The following GOLGA6B variants were observed in gnomAD, a reference collection of about 807,000 sequenced individuals.
GOLGA6B encodes golgin subfamily A member 6B.
In GOLGA6B, 11 loss-of-function variants were observed where a neutral mutation model predicts 63.0. The ratio of observed to expected loss-of-function variants is 0.17; its 90% CI spans 0.11 to 0.29. The LOEUF (loss-of-function observed/expected upper bound fraction) is 0.29, where lower values mean the gene tolerates loss of function less well. Among genes scored for constraint, GOLGA6B ranks in the 10% least tolerant of loss-of-function variants. The probability of loss-of-function intolerance (pLI) is 1.00; values close to 1 mark genes in which losing one functional copy is unlikely to be tolerated. For missense variants in GOLGA6B, 134 were observed against 563.8 expected (o/e 0.24, Z 7.72); for synonymous variants, 46 against 232.6 (o/e 0.20, Z 7.30).
chr15:72,662,242 C>T lies in GOLGA6B; in HGVS notation c.848-10C>T, dbSNP rs770809122. 1 of 1,351,520 alleles carries T rather than the reference C, an allele frequency of 7.4e-7. No homozygotes were observed. Among genetic ancestry groups the T allele is most frequent in the East Asian group, 2.8e-5 (1 of 36,084 alleles). 83.7% of individuals were successfully genotyped at this position (1,351,520 alleles called of 1,614,324 possible). Reference sequence around the variant, plus strand: ...ATCCAGAGGCCCTTATTGTCTGCTTCATTTCTCAGCTAAGCCCCCATCCCT... The same window carrying T: ...ATCCAGAGGCCCTTATTGTCTGCTTTATTTCTCAGCTAAGCCCCCATCCCT... On this transcript the variant is annotated splice_polypyrimidine_tract_variant and intron_variant, in intron 10 of 17. Transcript: ENST00000421285.
Position 72,664,425 on chromosome 15 carries a change from C to T in GOLGA6B, c.1426-11C>T, listed in dbSNP as rs200178903. ...CTCCGTGCCTTCTCACTCTGTTTCC[C>T]GTCCCCTTAGGAGCACCTAGAAGCT... On this transcript the variant is annotated splice_polypyrimidine_tract_variant and intron_variant, in intron 12 of 17. Transcript: ENST00000421285. The T allele has an allele frequency of 4.5e-4, 600 of 1,321,438 alleles. 7 individuals are homozygous for T. The highest frequency in any genetic ancestry group is 2.3e-3 in the Middle Eastern group (9 of 3,992). The allele number at this position is 1,321,438 out of a possible 1,614,324, so 81.9% of individuals were successfully genotyped here.
In GOLGA6B at chr15:72,661,278, A is replaced by G. The variant is rs780152810; in HGVS notation, c.579A>G (p.Arg193=). 2 of 1,613,252 alleles carry G rather than the reference A, an allele frequency of 1.2e-6. No homozygotes were observed. The highest frequency in any genetic ancestry group is 2.7e-5 in the African/African-American group (2 of 74,900). The part of the protein sequence containing the change: ...QQEEDRSSSC[R]EAVLHRRLQQ... The stretch of plus-strand genomic sequence containing the variant: ...TCACCATCCAGTCCTCGAGCTGCAG[A>G]GAAGCGGTCCTCCACCGGCGGTTAC... Residue 193 remains arginine, a synonymous_variant, in exon 8 of 18, where the codon AGA becomes AGG. Transcript: ENST00000421285.
intron 7 of GOLGA6B, among the ~76,000 whole-genome samples, chr15:72,660,602 G>GTA (rs2064590892): frequency 9.1e-6 from 1 of 110,044 alleles, no homozygotes; most frequent in Non-Finnish European, 1.9e-5. Context: ...GTGTGTGTGT[G>GTA]TGTGTGTGTG....
At chr15:72,663,697 C>T (rs946234271) in intron 12 of GOLGA6B, among the ~76,000 whole-genome samples, 5 of 124,886 alleles carry the variant, frequency 4.0e-5, no homozygotes, top group Admixed American at 1.6e-4. Flanking sequence ...AAAAAGCCTC[C>T]TTAGATTCAA....
At position 72,669,395 on chromosome 15, in the gene GOLGA6B, T is replaced by A. The variant is rs1263507280; in HGVS notation, c.*3053T>A. Reference sequence around the variant, plus strand: ...ATACTGTAGTTTGAAAGAAAGAAACTGGGGGAAGGAAAAGTAGAGAAAGAA... The same window carrying A: ...ATACTGTAGTTTGAAAGAAAGAAACAGGGGGAAGGAAAAGTAGAGAAAGAA... On this transcript the variant is annotated 3_prime_UTR_variant, in exon 18 of 18. Transcript: ENST00000421285. Among the ~76,000 whole-genome samples, 1 of 151,182 alleles carries A rather than the reference T, an allele frequency of 6.6e-6. No homozygotes were observed. Among genetic ancestry groups the A allele is most frequent in the African/African-American group, 2.4e-5 (1 of 41,262 alleles).
rs1222702753 is a variant in GOLGA6B at position 72,660,498 on chromosome 15, G to A, written c.564+269G>A. Among the ~76,000 whole-genome samples, 3 of 39,398 alleles carry A rather than the reference G, an allele frequency of 7.6e-5. No individual in the cohort carries two copies. In the East Asian group the frequency reaches 1.7e-3, roughly 23 times the overall value. The allele number at this position is 39,398 out of a possible 152,430, so 25.8% of individuals were successfully genotyped here. On this transcript the variant is annotated intron_variant, in intron 7 of 17. Coordinates refer to ENST00000421285, the MANE Select transcript of GOLGA6B (RefSeq NM_018652.5). ...CTTTCCTGGCTGTGGCCTTGGCCAA[G>A]TCCTAGGTGGGGTATTGGGTAGTTG...
In GOLGA6B at chr15:72,668,713, C is replaced by G. The variant is rs2064649227; in HGVS notation, c.*2371C>G. 1.1e-4 allele frequency among the ~76,000 whole-genome samples: 2 copies of G among 18,646 alleles called. 1 individual carries two copies. Among genetic ancestry groups the G allele is most frequent in the African/African-American group, 1.2e-4 (2 of 17,168 alleles). 12.2% of individuals were successfully genotyped at this position (18,646 alleles called of 152,430 possible). On this transcript the variant is annotated 3_prime_UTR_variant, in exon 18 of 18. Coordinates refer to ENST00000421285, the MANE Select transcript of GOLGA6B (RefSeq NM_018652.5). ...ATGACTAGGAATGATCTTCAGCTAGCCTTTAGCACCTGCAACCAATCGGAC... is the reference window on the plus strand; with the variant it reads ...ATGACTAGGAATGATCTTCAGCTAGGCTTTAGCACCTGCAACCAATCGGAC...
chr15:72,664,617 G>C, intron 13 of GOLGA6B, 106 bp downstream of exon 13: 2 of 848,762 alleles, frequency 2.4e-6, no homozygotes, highest in Non-Finnish European at 3.5e-6. Flanking sequence ...ACAGCTGGTC[G>C]TTATGCCAAC....
At chr15:72,663,665 G>C (rs1389125941) in intron 12 of GOLGA6B, among the ~76,000 whole-genome samples, 1 of 126,952 alleles carries the variant, frequency 7.9e-6, no homozygotes, top group African/African-American at 2.8e-5. Context: ...GCCACAGAGT[G>C]ACACTGTCTC....
rs1174540372 is a variant in GOLGA6B at position 72,664,439 on chromosome 15, C to T, written c.1429C>T (p.His477Tyr). 1.5e-6 allele frequency: 2 copies of T among 1,322,088 alleles called. No homozygotes were observed. Among genetic ancestry groups the T allele is most frequent in the Non-Finnish European group, 2.1e-6 (2 of 962,164 alleles). 81.9% of individuals were successfully genotyped at this position (1,322,088 alleles called of 1,614,324 possible). ...KELQEKLDEE[H>Y]LEAASQQNQQ... ...ACTCTGTTTCCCGTCCCCTTAGGAG[C>T]ACCTAGAAGCTGCCAGCCAGCAGAA... is the stretch of plus-strand genomic sequence containing the variant. Residue 477 changes from histidine (H) to tyrosine (Y), a missense_variant, in exon 13 of 18, where the codon CAC becomes TAC. Coordinates refer to ENST00000421285, the MANE Select transcript of GOLGA6B (RefSeq NM_018652.5).
Position 72,664,273 on chromosome 15 carries a change from C to T in GOLGA6B, c.1426-163C>T, listed in dbSNP as rs1169319378. ...GGCAGTTACTGCTGCAGACCCAGCT[C>T]GTGGACCAGCTGCAGCAGCAGGAAG... is the stretch of plus-strand genomic sequence containing the variant. On this transcript the variant is annotated intron_variant, in intron 12 of 17. Coordinates refer to ENST00000421285, the MANE Select transcript of GOLGA6B (RefSeq NM_018652.5). Among the ~76,000 whole-genome samples, 4 of 130,066 alleles carry T rather than the reference C, an allele frequency of 3.1e-5. 1 individual carries two copies. Among genetic ancestry groups the T allele is most frequent in the East Asian group, 2.3e-4 (1 of 4,262 alleles). The allele number at this position is 130,066 out of a possible 152,430, so 85.3% of individuals were successfully genotyped here.
chr15:72,661,185 T>C, intron 7 of GOLGA6B, 79 bp from the exon 8 acceptor site: 1 of 1,520,542 alleles, frequency 6.6e-7, no homozygotes, highest in South Asian at 1.1e-5. Flanking sequence ...CCGAGTTGTA[T>C]ATTGAGCCTA....
Position 72,663,023 on chromosome 15 carries a change from TTC to T in GOLGA6B, c.1357-8_1357-7del. Reference sequence around the variant, plus strand: ...GCTGCAGTGGATGGCCACTGATTGCTTCTCTCTGTCCAGAACAACGAGAAAAA... The same window carrying T: ...GCTGCAGTGGATGGCCACTGATTGCTTCTCTGTCCAGAACAACGAGAAAAA... On this transcript the variant is annotated splice_polypyrimidine_tract_variant and intron_variant, in intron 11 of 17. Coordinates refer to ENST00000421285, the MANE Select transcript of GOLGA6B (RefSeq NM_018652.5). 3.2e-6 allele frequency: 2 copies of T among 627,258 alleles called. No homozygotes were observed. Among genetic ancestry groups the T allele is most frequent in the East Asian group, 2.9e-5 (1 of 34,876 alleles). 38.9% of individuals were successfully genotyped at this position (627,258 alleles called of 1,614,324 possible).
rs867111558 is a variant in GOLGA6B at position 72,669,262 on chromosome 15, T to G, written c.*2920T>G. ...TAAATCAGCCCTATCCATAATATAG[T>G]TTCTCTAAAACTTTATCTTAAAGAG... On this transcript the variant is annotated 3_prime_UTR_variant, in exon 18 of 18. Coordinates refer to ENST00000421285, the MANE Select transcript of GOLGA6B (RefSeq NM_018652.5). Among the ~76,000 whole-genome samples the G allele has an allele frequency of 6.6e-6, 1 of 152,278 alleles. No homozygotes were observed.
In GOLGA6B at chr15:72,664,111, C is replaced by A. The variant is rs2064617963; in HGVS notation, c.1426-325C>A. Among the ~76,000 whole-genome samples the A allele has an allele frequency of 1.5e-5, 2 of 130,114 alleles. 1 individual carries two copies. Among genetic ancestry groups the A allele is most frequent in the South Asian group, 5.6e-4 (2 of 3,540 alleles). The allele number at this position is 130,114 out of a possible 152,430, so 85.4% of individuals were successfully genotyped here. On this transcript the variant is annotated intron_variant, in intron 12 of 17. Transcript: ENST00000421285. ...GCCAGCCACCATGTGCCCTCATGCC[C>A]AGGGTCTTCCTGCAGGTGGAGCTGA...
At position 72,664,292 on chromosome 15, in the gene GOLGA6B, C is replaced by T. The variant is rs1259722766; in HGVS notation, c.1426-144C>T. On this transcript the variant is annotated intron_variant, in intron 12 of 17. Coordinates refer to ENST00000421285, the MANE Select transcript of GOLGA6B (RefSeq NM_018652.5). ...CCAGCTCGTGGACCAGCTGCAGCAG[C>T]AGGAAGCTTGGGGCAAAGCGGTGGC... 9.9e-6 allele frequency: 11 copies of T among 1,110,626 alleles called. 1 individual carries two copies. The highest frequency in any genetic ancestry group is 1.4e-5 in the Non-Finnish European group (11 of 794,936). 68.8% of individuals were successfully genotyped at this position (1,110,626 alleles called of 1,614,324 possible).
Position 72,657,389 on chromosome 15 carries a change from G to C in GOLGA6B, c.204+758G>C, listed in dbSNP as rs566282943. On this transcript the variant is annotated intron_variant, in intron 2 of 17. Coordinates refer to ENST00000421285, the MANE Select transcript of GOLGA6B (RefSeq NM_018652.5). Reference sequence around the variant, plus strand: ...CCACTCTGTGACTGCGTCACTCGGGGGACTTTTCCATCTATTTTTTTCCTG... The same window carrying C: ...CCACTCTGTGACTGCGTCACTCGGGCGACTTTTCCATCTATTTTTTTCCTG... Among the ~76,000 whole-genome samples the C allele has an allele frequency of 5.9e-3, 888 of 151,080 alleles. 17 individuals carry two copies. The highest frequency in any genetic ancestry group is 0.02 in the African/African-American group (822 of 40,846).
In GOLGA6B at chr15:72,664,873, G is replaced by C; in HGVS notation, c.1502-71G>C. 4.1e-6 allele frequency: 2 copies of C among 482,288 alleles called. 1 individual carries two copies. Among genetic ancestry groups the C allele is most frequent in the Non-Finnish European group, 7.3e-6 (2 of 274,872 alleles). The allele number at this position is 482,288 out of a possible 1,614,324, so 29.9% of individuals were successfully genotyped here. ...GGCTCAGGGTTACACAGTCAGGGTGGGGACAGAGGTAGGCCCACAGGACCT... is the reference window on the plus strand; with the variant it reads ...GGCTCAGGGTTACACAGTCAGGGTGCGGACAGAGGTAGGCCCACAGGACCT... On this transcript the variant is annotated intron_variant, in intron 13 of 17. Transcript: ENST00000421285.
intron 12 of GOLGA6B, among the ~76,000 whole-genome samples, chr15:72,664,030 G>A (rs1187026379): frequency 7.7e-6 from 1 of 129,768 alleles, no homozygotes; most frequent in African/African-American, 2.7e-5. Context: ...GTCCTGGGCA[G>A]GTGACAGAGC....
Sources: gnomAD v4.1 joint callset for allele counts (sites outside exome capture counted in the v4.1 genomes callset) on GRCh38, gnomAD v4.1.1 for gene constraint, MANE v1.5 for transcripts, NCBI Gene and HGNC (gene_info 2026-07-23, HGNC 2026-07-21) for gene names.